GSK3B: variants seen among roughly 807,000 people sequenced by gnomAD.
The protein encoded by GSK3B is glycogen synthase kinase 3 beta, also known as glycogen synthase kinase-3 beta.
A neutral mutation model predicts 56.4 loss-of-function variants in GSK3B; 15 were observed. That is an observed-to-expected ratio of 0.27 (90% CI 0.18 to 0.41). The LOEUF (loss-of-function observed/expected upper bound fraction) is 0.41, where lower values mean the gene tolerates loss of function less well. Ranked by LOEUF, GSK3B falls within the 10% of genes least tolerant of loss-of-function variation. The pLI, the probability that GSK3B is intolerant of heterozygous loss-of-function variation, is 1.00. For missense variants in GSK3B, 300 were observed against 513.4 expected (o/e 0.58, Z 4.02); for synonymous variants, 181 against 188.9 (o/e 0.96, Z 0.34).
chr3:119,975,922 A>C (rs1280514987), intron 2 of GSK3B, among the ~76,000 whole-genome samples: 1 of 152,216 alleles, frequency 6.6e-6, no homozygotes, highest in Non-Finnish European at 1.5e-5. Context: ...CAACTGTTCA[A>C]ATAGACATTT....
At chr3:120,024,295 TCCACTACTGGAG>T (rs1191016711) in intron 1 of GSK3B, among the ~76,000 whole-genome samples, 1 of 152,040 alleles carries the variant, frequency 6.6e-6, no homozygotes, top group Non-Finnish European at 1.5e-5. Flanking sequence ...ATGTATGCTC[TCCACTACTGGAG>T]CCACTACTGT....
intron 1 of GSK3B, among the ~76,000 whole-genome samples, chr3:120,031,084 A>G (rs1047775781): frequency 5.3e-5 from 8 of 152,264 alleles, no homozygotes; most frequent in Admixed American, 5.2e-4. Context: ...GAGTATGTTA[A>G]AATTCCAAGA....
At chr3:119,836,388 C>T (rs1468018043) in intron 10 of GSK3B, among the ~76,000 whole-genome samples, 1 of 152,078 alleles carries the variant, frequency 6.6e-6, no homozygotes, top group Non-Finnish European at 1.5e-5. Flanking sequence ...GGGTTTTCAA[C>T]TTGAAAAGAT....
chr3:119,846,176 G>C (rs2055853025), intron 9 of GSK3B, among the ~76,000 whole-genome samples: 1 of 152,080 alleles, frequency 6.6e-6, no homozygotes, highest in Non-Finnish European at 1.5e-5. Flanking sequence ...TTAAACGTAA[G>C]ACCTAAAACC....
At chr3:119,885,248 CAAATAAAATAAAATAAAATA>C (rs57760854) in intron 7 of GSK3B, among the ~76,000 whole-genome samples, 8 of 143,810 alleles carry the variant, frequency 5.6e-5, no homozygotes, top group African/African-American at 1.8e-4. Context: ...ACAATAGCCA[CAAATAAAATAAAATAAAATA>C]AAATAAAATA....
intron 1 of GSK3B, among the ~76,000 whole-genome samples, chr3:120,090,180 A>G (rs775176073): frequency 1.3e-5 from 2 of 152,054 alleles, no homozygotes; most frequent in African/African-American, 2.4e-5. Flanking sequence ...ATAAGCCATC[A>G]TGAAACTATT....
chr3:119,825,561 T>C lies in GSK3B; in HGVS notation c.*1227A>G, dbSNP rs924576839. 7 of 228,318 alleles carry C rather than the reference T, an allele frequency of 3.1e-5. No homozygotes were observed. The highest frequency in any genetic ancestry group is 6.1e-5 in the Non-Finnish European group (7 of 115,228). 14.1% of individuals were successfully genotyped at this position (228,318 alleles called of 1,614,324 possible). A position where few individuals can be genotyped will look rare whatever the true frequency, so the allele number is the denominator to read the frequency against. ...TCAGCTTTCCTATAAAGTCAGCAGG[T>C]ATAAGTGACTGTATCATTCTGATGT... On this transcript the variant is annotated 3_prime_UTR_variant, in exon 11 of 11. Coordinates refer to ENST00000264235, the MANE Select transcript of GSK3B (RefSeq NM_001146156.2).
At chr3:119,840,271 CT>C (rs2055753342) in intron 10 of GSK3B, among the ~76,000 whole-genome samples, 2 of 149,536 alleles carry the variant, frequency 1.3e-5, no homozygotes, top group South Asian at 4.2e-4. Flanking sequence ...GTTGCCCAGG[CT>C]GGAGTGCAAT....
At chr3:120,090,731 C>G (rs2058504949) in intron 1 of GSK3B, among the ~76,000 whole-genome samples, 1 of 152,148 alleles carries the variant, frequency 6.6e-6, no homozygotes, top group Non-Finnish European at 1.5e-5. Context: ...CTATAATTCA[C>G]TAATTCAACT....
chr3:119,976,765 C>CAAAAAAAAA (rs563133631), intron 2 of GSK3B, among the ~76,000 whole-genome samples: 2 of 83,092 alleles, frequency 2.4e-5, no homozygotes, highest in African/African-American at 3.6e-5. Context: ...CCACTCCCCA[C>CAAAAAAAAA]AAAAAAAAAA....
chr3:119,933,451 C>T (rs567146239), intron 3 of GSK3B, among the ~76,000 whole-genome samples: 54 of 152,276 alleles, frequency 3.5e-4, no homozygotes, highest in Admixed American at 8.5e-4. Context: ...TGTGTGTACA[C>T]GCTCGTGCAT....
intron 2 of GSK3B, among the ~76,000 whole-genome samples, chr3:119,996,017 C>T (rs371926142): frequency 3.9e-5 from 6 of 152,274 alleles, no homozygotes; most frequent in South Asian, 2.1e-4. Context: ...GGATTACAAG[C>T]GTGAGCCACC....
intron 8 of GSK3B, among the ~76,000 whole-genome samples, chr3:119,870,159 T>C (rs529197312): frequency 3.1e-4 from 47 of 152,282 alleles, no homozygotes; most frequent in African/African-American, 1.1e-3. Flanking sequence ...AAGTGGGGGT[T>C]CCTTTTTCCC....
intron 2 of GSK3B, among the ~76,000 whole-genome samples, chr3:119,995,911 T>C (rs2057612560): frequency 6.6e-6 from 1 of 151,908 alleles, no homozygotes; most frequent in African/African-American, 2.4e-5. Context: ...CTAATATTTG[T>C]ATTTTTAGTA....
chr3:119,949,597 A>G (rs1296661939), intron 2 of GSK3B, among the ~76,000 whole-genome samples: 1 of 152,118 alleles, frequency 6.6e-6, no homozygotes, highest in Non-Finnish European at 1.5e-5. Flanking sequence ...AAGATCATAT[A>G]AACCTTCATC....
chr3:119,970,289 G>A (rs1183711483), intron 2 of GSK3B, among the ~76,000 whole-genome samples: 1 of 152,128 alleles, frequency 6.6e-6, no homozygotes, highest in Non-Finnish European at 1.5e-5. Context: ...TAAAAGATTT[G>A]AAGAGAAACT....
chr3:120,012,583 T>G (rs543784301), intron 1 of GSK3B, among the ~76,000 whole-genome samples: 1 of 152,294 alleles, frequency 6.6e-6, no homozygotes, highest in East Asian at 1.9e-4. Context: ...TAGATAAATC[T>G]TAAATACATA....
chr3:119,949,164 GGTAACAGA>G (rs1348895152), intron 2 of GSK3B, among the ~76,000 whole-genome samples: 1 of 152,076 alleles, frequency 6.6e-6, no homozygotes, highest in Non-Finnish European at 1.5e-5. Flanking sequence ...CACTAACCAA[GGTAACAGA>G]GTATTAAATT....
chr3:120,088,866 C>A (rs955692003), intron 1 of GSK3B, among the ~76,000 whole-genome samples: 2 of 152,224 alleles, frequency 1.3e-5, no homozygotes, highest in Non-Finnish European at 2.9e-5. Flanking sequence ...TCATCTCCAA[C>A]CCTGTCTCAA....
Sources: allele counts gnomAD v4.1 joint callset (sites outside exome capture counted in the v4.1 genomes callset), GRCh38; gene constraint gnomAD v4.1.1; transcripts MANE v1.5; gene names NCBI Gene and HGNC (gene_info 2026-07-23, HGNC 2026-07-21).